Variants in THSD1 observed in about 807,000 individuals in gnomAD.
THSD1 encodes thrombospondin type 1 domain containing 1.
A neutral mutation model predicts 46.3 loss-of-function variants in THSD1; 34 were observed. That is an observed-to-expected ratio of 0.74 (90% CI 0.56 to 0.98). The LOEUF (loss-of-function observed/expected upper bound fraction) is 0.98, where lower values mean the gene tolerates loss of function less well. Ranked by LOEUF, THSD1 falls within the 50% of genes least tolerant of loss-of-function variation. The pLI, the probability that THSD1 is intolerant of heterozygous loss-of-function variation, is 0.00. For synonymous variants in THSD1, 407 were observed against 416.5 expected (o/e 0.98, Z 0.28); for missense variants, 1,023 against 1,058.3 (o/e 0.97, Z 0.46).
rs1189826794 is a variant in THSD1, at chr13:52,391,220, ATT to A, written c.1022-5036_1022-5035del. 6.0e-3 allele frequency among the ~76,000 whole-genome samples: 862 copies of A among 142,680 alleles called. 2 individuals carry two copies. The highest frequency in any genetic ancestry group is 0.014 in the South Asian group (65 of 4,488). 93.6% of individuals were successfully genotyped at this position (142,680 alleles called of 152,430 possible). ...ATGATAGACAGGGGACTTAGAATAA[ATT>A]TTTTTTTTTTTTGAGACAATGTCTC... On this transcript the variant is annotated intron_variant, in intron 3 of 4. Transcript: ENST00000258613.
At chr13:52,390,189 TC>T (rs1162786114) in intron 3 of THSD1, among the ~76,000 whole-genome samples, 1 of 151,338 alleles carries the variant, frequency 6.6e-6, no homozygotes, top group Non-Finnish European at 1.5e-5. Flanking sequence ...TCAGTACCCA[TC>T]CAACCCCAAG....
intron 3 of THSD1, among the ~76,000 whole-genome samples, chr13:52,394,796 T>C (rs1431288102): frequency 6.6e-6 from 1 of 152,130 alleles, no homozygotes; most frequent in East Asian, 1.9e-4. Flanking sequence ...AAAAGCTTCA[T>C]AGCAGCACGA....
intron 1 of THSD1, among the ~76,000 whole-genome samples, chr13:52,403,584 C>T (rs1472923018): frequency 6.6e-6 from 1 of 152,114 alleles, no homozygotes; most frequent in East Asian, 1.9e-4. Flanking sequence ...CGGGTTCACG[C>T]CATTCTCCTG....
rs1372767657 is a variant in THSD1, at chr13:52,397,606, G to C, written c.647C>G (p.Thr216Ser). ...TCGCCCAAGCAGCTTCAGCACCACG[G>C]TGACATAGGCTTCTGGCCCCAAGGG... ...CAPLGPEAYV[T>S]VVLKLLGRDS... Residue 216 changes from threonine to serine, a missense_variant, in exon 3 of 5, where the codon ACC becomes AGC. Coordinates refer to ENST00000258613, the MANE Select transcript of THSD1 (RefSeq NM_018676.4). 6.2e-7 allele frequency: 1 copy of C among 1,614,194 alleles called. No individual in the cohort carries two copies.
chr13:52,377,987 CT>C lies in THSD1; in HGVS notation c.1982del (p.Gln661ArgfsTer13). ...RRTASFHEAR[Q>X]ARPFRERSMS... ...TGCTCCTCTCTCGGAACGGCCGGGC[CT>C]GCCTGGCTTCATGGAAACTCGCTGT... On this transcript the variant is annotated frameshift_variant, in exon 5 of 5. Transcript: ENST00000258613. LOFTEE classifies it high-confidence loss of function. 6.2e-6 allele frequency: 10 copies of C among 1,614,170 alleles called. No individual in the cohort carries two copies. The highest frequency in any genetic ancestry group is 7.6e-6 in the Non-Finnish European group (9 of 1,180,044).
rs769489722 is a variant in THSD1 at position 52,378,260 on chromosome 13, A to G, written c.1710T>C (p.Ala570=). 1.2e-6 allele frequency: 2 copies of G among 1,614,126 alleles called. No individual in the cohort carries two copies. The highest frequency in any genetic ancestry group is 8.5e-7 in the Non-Finnish European group (1 of 1,180,026). ...TDTAIDAAPS[A]PLDLESPEEA... The stretch of plus-strand genomic sequence containing the variant: ...CTTCCGGGCTTTCCAAATCTAAGGG[A>G]GCGCTGGGGGCCGCATCAATGGCAG... Residue 570 remains alanine, a synonymous_variant, in exon 5 of 5, where the codon GCT becomes GCC. Coordinates refer to ENST00000258613, the MANE Select transcript of THSD1 (RefSeq NM_018676.4).
At chr13:52,400,714 G>C (rs911203771) in intron 2 of THSD1, among the ~76,000 whole-genome samples, 2 of 152,190 alleles carry the variant, frequency 1.3e-5, no homozygotes, top group Non-Finnish European at 2.9e-5. Context: ...AGATAAAGCA[G>C]GGTAAAACAG....
At chr13:52,403,938 A>ATTTTTTTTTTTT (rs67802176) in intron 1 of THSD1, among the ~76,000 whole-genome samples, 1 of 63,920 alleles carries the variant, frequency 1.6e-5, no homozygotes, top group African/African-American at 7.8e-5. Flanking sequence ...CATTATTCAC[A>ATTTTTTTTTTTT]TTTTTTTTTT....
At chr13:52,380,326 G>A (rs1361488140) in intron 4 of THSD1, among the ~76,000 whole-genome samples, 4 of 107,856 alleles carry the variant, frequency 3.7e-5, no homozygotes, top group Admixed American at 9.2e-5. Context: ...TTCTCCACCC[G>A]TCCTCCCACT....
chr13:52,377,679 G>A lies in THSD1; in HGVS notation c.2291C>T (p.Ser764Phe). Reference protein sequence around the residue: ...TEPHRARRGPSPSHKSVSRKQ... With the variant: ...TEPHRARRGPFPSHKSVSRKQ... The stretch of plus-strand genomic sequence containing the variant: ...CCTTGAGACACTCTTGTGACTGGGG[G>A]ACGGTCCCCGACGAGCTCTGTGGGG... The change falls in exon 5 of 5, where the codon TCC becomes TTC. Residue 764 changes from serine (S) to phenylalanine (F), a missense_variant. Ser to Phe is a radical substitution (Grantham distance 155). Transcript: ENST00000258613. 1 of 1,609,376 alleles carries A rather than the reference G, an allele frequency of 6.2e-7. No individual in the cohort carries two copies. Among genetic ancestry groups the A allele is most frequent in the Non-Finnish European group, 8.5e-7 (1 of 1,176,480 alleles).
intron 1 of THSD1, among the ~76,000 whole-genome samples, chr13:52,404,546 G>A (rs926913461): frequency 3.3e-5 from 5 of 151,800 alleles, no homozygotes; most frequent in Non-Finnish European, 7.4e-5. Context: ...GAAGAAAATT[G>A]TTTTGGGTGG....
chr13:52,397,762 T>C lies in THSD1; in HGVS notation c.491A>G (p.Asn164Ser). ...GGTGAAGATGACATCCACTACGATG[T>C]TGGGCTTGTCCACAGGAAACGGGCA... is the stretch of plus-strand genomic sequence containing the variant. The part of the protein sequence containing the change: ...PLCPFPVDKP[N>S]IVVDVIFTNS... The change falls in exon 3 of 5, where the codon AAC becomes AGC. Residue 164 changes from asparagine (N) to serine (S), a missense_variant. By Grantham distance (46) the Asn-to-Ser change is conservative. Around this residue, in one of 3 missense-constraint regions of THSD1, gnomAD observed 429 missense variants for 518.3 expected, o/e 0.83. Transcript: ENST00000258613. The C allele has an allele frequency of 1.9e-6, 3 of 1,614,268 alleles. No homozygotes were observed. Among genetic ancestry groups the C allele is most frequent in the Non-Finnish European group, 2.5e-6 (3 of 1,180,044 alleles).
In THSD1 at chr13:52,378,117, A is replaced by G; in HGVS notation, c.1853T>C (p.Ile618Thr). The G allele has an allele frequency of 6.2e-7, 1 of 1,614,152 alleles. No individual in the cohort carries two copies. Reference sequence around the variant, plus strand: ...GCGGATCAGAGTCTGGCTGGGGCTTATGGCACAACTGGCCTGAGTCACATT... The same window carrying G: ...GCGGATCAGAGTCTGGCTGGGGCTTGTGGCACAACTGGCCTGAGTCACATT... ...DLNVTQASCA[I>T]SPSQTLIRKS... Residue 618 changes from isoleucine (I) to threonine (T), a missense_variant, in exon 5 of 5, where the codon ATA (isoleucine) becomes ACA (threonine). By Grantham distance (89) the Ile-to-Thr change is moderately conservative. Around this residue, in one of 3 missense-constraint regions of THSD1, gnomAD observed 578 missense variants for 497.4 expected, o/e 1.16. Transcript: ENST00000258613.
intron 3 of THSD1, among the ~76,000 whole-genome samples, chr13:52,395,052 G>C (rs1326539107): frequency 6.6e-6 from 1 of 152,194 alleles, no homozygotes; most frequent in African/African-American, 2.4e-5. Flanking sequence ...CTGGGCCCCA[G>C]TGCAGAGATG....
chr13:52,389,022 G>A (rs1007212639), intron 3 of THSD1, among the ~76,000 whole-genome samples: 1 of 151,330 alleles, frequency 6.6e-6, no homozygotes, highest in Non-Finnish European at 1.5e-5. Flanking sequence ...GTGCAATGGC[G>A]TGATCTCGGC....
rs774802391 is a variant in THSD1, at chr13:52,378,192, T to C, written c.1778A>G (p.Glu593Gly). The C allele has an allele frequency of 3.3e-5, 53 of 1,614,074 alleles. No individual in the cohort carries two copies. Among genetic ancestry groups the C allele is most frequent in the African/African-American group, 8.0e-5 (6 of 74,918 alleles). ...TTCCCCGGCACTGACCGCGGGCTGCTCCGGAAATGGGGATTTGATCCGGAA... is the reference window on the plus strand; with the variant it reads ...TTCCCCGGCACTGACCGCGGGCTGCCCCGGAAATGGGGATTTGATCCGGAA... Reference protein sequence around the residue: ...NKFRIKSPFPEQPAVSAGERP... With the variant: ...NKFRIKSPFPGQPAVSAGERP... The change falls in exon 5 of 5, where the codon GAG (glutamate) becomes GGG (glycine). Residue 593 changes from glutamate to glycine, a missense_variant. This residue lies in a region of THSD1 where 578 missense variants were observed against 497.4 expected (regional missense o/e 1.16). Transcript: ENST00000258613.
intron 3 of THSD1, among the ~76,000 whole-genome samples, chr13:52,396,551 T>G (rs1283850743): frequency 1.3e-5 from 2 of 151,658 alleles, no homozygotes; most frequent in African/African-American, 2.4e-5. Flanking sequence ...AAAACAAAGA[T>G]AAAAAACGAA....
intron 3 of THSD1, among the ~76,000 whole-genome samples, chr13:52,392,626 T>C (rs1054291432): frequency 2.6e-5 from 4 of 152,256 alleles, no homozygotes; most frequent in Non-Finnish European, 5.9e-5. Flanking sequence ...TATAGAGGGT[T>C]TTAATTTTGA....
At chr13:52,399,879 A>C (rs1486978731) in intron 2 of THSD1, 9 of 152,828 alleles carry the variant, frequency 5.9e-5, no homozygotes, top group Admixed American at 4.6e-4. Context: ...CCACAGCCCA[A>C]GCAAGTGCTT....
Sources: gnomAD v4.1 joint callset for allele counts (sites outside exome capture counted in the v4.1 genomes callset) on GRCh38, gnomAD v4.1.1 for gene constraint, gnomAD v4.1.1 regional missense constraint, MANE v1.5 for transcripts, NCBI Gene and HGNC (gene_info 2026-07-23, HGNC 2026-07-21) for gene names.